Variants in TUT7 observed in about 807,000 individuals in gnomAD.
TUT7 encodes terminal uridylyltransferase 7.
A neutral mutation model predicts 165.9 loss-of-function variants in TUT7; 33 were observed. That is an observed-to-expected ratio of 0.20 (90% CI 0.15 to 0.27). The LOEUF (loss-of-function observed/expected upper bound fraction) is 0.27. TUT7 is among the 10% of genes least tolerant of loss of function. The pLI is 1.00. For missense variants in TUT7, 1,338 were observed against 1,762.3 expected (o/e 0.76, Z 4.31); for synonymous variants, 552 against 608.1 (o/e 0.91, Z 1.36).
chr9:86,353,916 T>C (rs1223219577), intron 1 of TUT7, among the ~76,000 whole-genome samples: 3 of 152,200 alleles, frequency 2.0e-5, no homozygotes, highest in Non-Finnish European at 4.4e-5. Flanking sequence ...CCCTGAGGAA[T>C]GACACTCCTC....
chr9:86,349,889 T>G (rs1329980945), intron 2 of TUT7, among the ~76,000 whole-genome samples: 1 of 152,154 alleles, frequency 6.6e-6, no homozygotes, highest in African/African-American at 2.4e-5. Context: ...CAAAATGCAT[T>G]TCCTATTCAA....
chr9:86,320,177 G>C (rs556489429), intron 14 of TUT7, among the ~76,000 whole-genome samples: 2 of 148,630 alleles, frequency 1.3e-5, no homozygotes, highest in East Asian at 4.0e-4. Context: ...TTAAAAGTTT[G>C]TGAGCATTTG....
At chr9:86,305,982 G>A (rs1340573852) in intron 22 of TUT7, among the ~76,000 whole-genome samples, 1 of 152,188 alleles carries the variant, frequency 6.6e-6, no homozygotes, top group Non-Finnish European at 1.5e-5. Context: ...AGATTTATGT[G>A]AGGTGTGAAT....
chr9:86,351,423 G>A (rs138103301), intron 2 of TUT7, among the ~76,000 whole-genome samples: 132 of 152,290 alleles, frequency 8.7e-4, no homozygotes, highest in African/African-American at 3.0e-3. Flanking sequence ...GTGACAGAGC[G>A]AGACTCCGTC....
intron 17 of TUT7, among the ~76,000 whole-genome samples, chr9:86,314,099 C>G (rs1384933796): frequency 1.3e-5 from 2 of 152,134 alleles, no homozygotes; most frequent in African/African-American, 4.8e-5. Flanking sequence ...TGTTATGAAG[C>G]TGAGTGACTT....
chr9:86,346,011 C>T (rs1010318423), intron 3 of TUT7, among the ~76,000 whole-genome samples: 3 of 152,170 alleles, frequency 2.0e-5, no homozygotes, highest in Non-Finnish European at 4.4e-5. Context: ...CTCAACCTCA[C>T]AAGTAACTGG....
chr9:86,345,031 G>T lies in TUT7; in HGVS notation c.943C>A (p.Gln315Lys), dbSNP rs1831634514. The change falls in exon 5 of 27, where the codon CAG becomes AAG. Residue 315 changes from glutamine (Q) to lysine (K), a missense_variant. Coordinates refer to ENST00000375963, the MANE Select transcript of TUT7 (RefSeq NM_024617.4). The part of the protein sequence containing the change: ...EFGLHNENLE[Q>K]RLEIKRIMEN... ...ATGATACGTTTAATTTCCAGCCTCT[G>T]TTCCAAGTTCTCATTGTGTAAGCCA... 6.2e-7 allele frequency: 1 copy of T among 1,613,420 alleles called. No individual in the cohort carries two copies. The highest frequency in any genetic ancestry group is 2.2e-5 in the East Asian group (1 of 44,812).
Position 86,301,521 on chromosome 9 carries a change from T to C in TUT7, c.4175A>G (p.Lys1392Arg), listed in dbSNP as rs752176398. 7.4e-6 allele frequency: 12 copies of C among 1,614,008 alleles called. No individual in the cohort carries two copies. The highest frequency in any genetic ancestry group is 1.6e-4 in the Middle Eastern group (1 of 6,084). ...ENKEKRSKEDKEIHNKYTERE... is the reference protein window; with the variant it reads ...ENKEKRSKEDREIHNKYTERE... ...TTCTGTGTACTTGTTGTGAATTTCT[T>C]TGTCCTCTTTGCTTCTTTTTTCCTT... The change falls in exon 26 of 27, where the codon AAA (lysine) becomes AGA (arginine). Residue 1392 changes from lysine (K) to arginine (R), a missense_variant. Around this residue, in one of 7 missense-constraint regions of TUT7, gnomAD observed 167 missense variants for 204.9 expected, o/e 0.82. Coordinates refer to ENST00000375963, the MANE Select transcript of TUT7 (RefSeq NM_024617.4).
chr9:86,345,789 T>C lies in TUT7; in HGVS notation c.703-4A>G, dbSNP rs1292771199. 1.3e-6 allele frequency: 2 copies of C among 1,587,924 alleles called. No homozygotes were observed. The highest frequency in any genetic ancestry group is 2.3e-5 in the South Asian group (2 of 88,560). ...CTGTAGGGTAGTTTCGTGGTCGCTA[T>C]AATTTGAAGAGATTTATTTAGAGAG... On this transcript the variant is annotated splice_region_variant and splice_polypyrimidine_tract_variant and intron_variant, in intron 3 of 26. Transcript: ENST00000375963.
chr9:86,319,718 T>G (rs2131412310), intron 14 of TUT7, 48 bp from the exon 15 acceptor site: 2 of 1,248,540 alleles, frequency 1.6e-6, no homozygotes, highest in Non-Finnish European at 2.2e-6. Flanking sequence ...CGGTTGACAC[T>G]CTTAGAAAAA....
At position 86,309,894 on chromosome 9, in the gene TUT7, T is replaced by C. The variant is rs199955502; in HGVS notation, c.3468+34A>G. The C allele has an allele frequency of 4.3e-5, 67 of 1,570,634 alleles. No homozygotes were observed. The East Asian group carries it at 1.4e-3, about 34-fold the overall frequency. ...AACAGTGTTTAAAGATGCAATGAAA[T>C]TTCCTGATAAGTCACAATAGGAAGC... On this transcript the variant is annotated intron_variant, in intron 19 of 26. Coordinates refer to ENST00000375963, the MANE Select transcript of TUT7 (RefSeq NM_024617.4).
intron 12 of TUT7, among the ~76,000 whole-genome samples, 157 bp from the exon 13 acceptor site, chr9:86,324,117 A>G (rs1030335051): frequency 6.6e-6 from 1 of 152,186 alleles, no homozygotes; most frequent in Admixed American, 6.5e-5. Context: ...GGGGGTGGGG[A>G]GTAAGAAAAC....
At chr9:86,294,274 C>CAAAAA (rs11338696) in intron 26 of TUT7, among the ~76,000 whole-genome samples, 1 of 96,836 alleles carries the variant, frequency 1.0e-5, no homozygotes, top group Non-Finnish European at 2.0e-5. Context: ...TGCCATGAGG[C>CAAAAA]AAAAAAAAAA....
intron 10 of TUT7, among the ~76,000 whole-genome samples, chr9:86,332,384 T>C (rs1830402710): frequency 6.6e-6 from 1 of 152,216 alleles, no homozygotes; most frequent in African/African-American, 2.4e-5. Flanking sequence ...TCATGTCTTT[T>C]GCAGGAACAT....
chr9:86,296,948 AG>A (rs1211795148), intron 26 of TUT7, among the ~76,000 whole-genome samples: 1 of 152,260 alleles, frequency 6.6e-6, no homozygotes, highest in Non-Finnish European at 1.5e-5. Context: ...TTTATTGGAT[AG>A]GATCGATTTT....
intron 22 of TUT7, among the ~76,000 whole-genome samples, chr9:86,307,679 T>A (rs949330853): frequency 6.6e-6 from 1 of 152,144 alleles, no homozygotes; most frequent in Non-Finnish European, 1.5e-5. Flanking sequence ...ATGGCTCCAA[T>A]AGATCACTAC....
Position 86,347,380 on chromosome 9 carries a change from CTT to C in TUT7, c.521-902_521-901del, listed in dbSNP as rs1476859389. ...AAATTGTTTTAGATAGCTTTGATAA[CTT>C]ATATCGAGTTTTAAAAAATGAAACT... On this transcript the variant is annotated intron_variant, in intron 2 of 26. Transcript: ENST00000375963. 5.3e-5 allele frequency among the ~76,000 whole-genome samples: 8 copies of C among 152,140 alleles called. No individual in the cohort carries two copies. The East Asian group carries it at 1.5e-3, about 29-fold the overall frequency.
intron 1 of TUT7, among the ~76,000 whole-genome samples, chr9:86,353,563 G>A (rs558835642): frequency 6.6e-6 from 1 of 152,176 alleles, no homozygotes; most frequent in African/African-American, 2.4e-5. Context: ...TCTGTAACAA[G>A]GCGTTTCTCT....
At chr9:86,327,882 G>A (rs979472319) in intron 11 of TUT7, among the ~76,000 whole-genome samples, 6 of 152,170 alleles carry the variant, frequency 3.9e-5, no homozygotes, top group African/African-American at 1.4e-4. Flanking sequence ...CTAGGATAAT[G>A]ACATTGCAGA....
Sources: allele counts gnomAD v4.1 joint callset (sites outside exome capture counted in the v4.1 genomes callset), GRCh38; gene constraint gnomAD v4.1.1; regional missense constraint gnomAD v4.1.1; transcripts MANE v1.5; gene names NCBI Gene and HGNC (gene_info 2026-07-23, HGNC 2026-07-21).